Variants in EFL1 observed in about 807,000 individuals in gnomAD.
EFL1 encodes the protein elongation factor-like GTPase 1.
Under a neutral mutation model 126.7 loss-of-function variants are expected in EFL1, and 76 were observed. The observed-to-expected ratio is 0.60, with a 90% CI of 0.50 to 0.73. The LOEUF (loss-of-function observed/expected upper bound fraction) is 0.73, where lower values mean the gene tolerates loss of function less well. Ranked by LOEUF, EFL1 falls within the 30% of genes least tolerant of loss-of-function variation. The pLI is 0.00. For synonymous variants in EFL1, 410 were observed against 448.4 expected (o/e 0.91, Z 1.08); for missense variants, 1,128 against 1,343.2 (o/e 0.84, Z 2.50).
At chr15:82,191,865 A>G (rs1472030265) in intron 15 of EFL1, among the ~76,000 whole-genome samples, 1 of 152,222 alleles carries the variant, frequency 6.6e-6, no homozygotes, top group Admixed American at 6.5e-5. Context: ...ACTGAGTTAA[A>G]ATCTCTGGCT....
chr15:82,244,546 T>C (rs1441138242), intron 4 of EFL1, among the ~76,000 whole-genome samples: 1 of 152,138 alleles, frequency 6.6e-6, no homozygotes, highest in Non-Finnish European at 1.5e-5. Flanking sequence ...CATTCCAAAC[T>C]AAACGGCTTC....
At chr15:82,151,324 G>T (rs1024909753) in intron 18 of EFL1, 141 bp downstream of exon 18, 1 of 753,538 alleles carries the variant, frequency 1.3e-6, no homozygotes, top group Non-Finnish European at 2.2e-6. Context: ...GTAGGCAGAG[G>T]TTGCAGTGAG....
chr15:82,142,934 C>T (rs1398388059), intron 18 of EFL1, among the ~76,000 whole-genome samples: 1 of 152,226 alleles, frequency 6.6e-6, no homozygotes, highest in Non-Finnish European at 1.5e-5. Context: ...TCAAAAAAGT[C>T]TCTTTACCAT....
At chr15:82,161,614 ACTC>A (rs1442083725) in intron 16 of EFL1, among the ~76,000 whole-genome samples, 1 of 152,164 alleles carries the variant, frequency 6.6e-6, no homozygotes, top group Non-Finnish European at 1.5e-5. Flanking sequence ...AAATAGCAAT[ACTC>A]CTTTTAAAAT....
chr15:82,131,837 T>G (rs1293140912), intron 19 of EFL1, among the ~76,000 whole-genome samples: 4 of 151,992 alleles, frequency 2.6e-5, no homozygotes, highest in African/African-American at 9.7e-5. Flanking sequence ...GAATTTCACC[T>G]CAGTACATTA....
At chr15:82,257,529 T>A (rs1405977246) in intron 3 of EFL1, among the ~76,000 whole-genome samples, 1 of 152,200 alleles carries the variant, frequency 6.6e-6, no homozygotes, top group Admixed American at 6.5e-5. Flanking sequence ...AAAAGTTTCC[T>A]AGTCAAGAGA....
intron 15 of EFL1, among the ~76,000 whole-genome samples, chr15:82,168,602 C>T (rs1013227069): frequency 4.6e-5 from 7 of 152,162 alleles, no homozygotes; most frequent in African/African-American, 1.7e-4. Flanking sequence ...ACCTCCGGCT[C>T]CTGGGGTTCC....
chr15:82,150,077 T>C (rs147025795), intron 18 of EFL1, among the ~76,000 whole-genome samples: 76 of 152,334 alleles, frequency 5.0e-4, no homozygotes, highest in Non-Finnish European at 9.1e-4. Context: ...TGGCTGTTAA[T>C]AGGCATGCTA....
chr15:82,180,980 G>A (rs761851081), intron 15 of EFL1, among the ~76,000 whole-genome samples: 12 of 151,908 alleles, frequency 7.9e-5, no homozygotes, highest in South Asian at 2.1e-4. Flanking sequence ...CGTCTGCCTC[G>A]GCCTCCTGAA....
At chr15:82,139,692 T>C (rs2073764116) in intron 18 of EFL1, among the ~76,000 whole-genome samples, 1 of 152,260 alleles carries the variant, frequency 6.6e-6, no homozygotes, top group Non-Finnish European at 1.5e-5. Context: ...AGATACTCTC[T>C]TTAAAGCCTT....
intron 2 of EFL1, among the ~76,000 whole-genome samples, chr15:82,260,680 T>C (rs762935172): frequency 1.3e-5 from 2 of 152,218 alleles, no homozygotes; most frequent in Non-Finnish European, 2.9e-5. Flanking sequence ...ATGCTGTATA[T>C]TGAAGCTCAA....
chr15:82,210,318 C>G (rs1310986707), intron 15 of EFL1, among the ~76,000 whole-genome samples: 7 of 152,132 alleles, frequency 4.6e-5, no homozygotes, highest in Non-Finnish European at 8.8e-5. Flanking sequence ...CAGAATGTGG[C>G]AGAAGTGGGG....
chr15:82,171,862 A>T (rs912103962), intron 15 of EFL1, among the ~76,000 whole-genome samples: 39 of 152,126 alleles, frequency 2.6e-4, no homozygotes, highest in African/African-American at 9.4e-4. Flanking sequence ...ACTGAAAATA[A>T]AAGTTAAAAT....
In EFL1 at chr15:82,240,418, C is replaced by G; in HGVS notation, c.516G>C (p.Gln172His). 1 of 1,576,064 alleles carries G rather than the reference C, an allele frequency of 6.3e-7. No individual in the cohort carries two copies. The highest frequency in any genetic ancestry group is 1.2e-5 in the South Asian group (1 of 85,052). The change falls in exon 6 of 20, where the codon CAG becomes CAC. Residue 172 changes from glutamine (Q) to histidine (H), a missense_variant and splice_region_variant. By Grantham distance (24) the Gln-to-His change is conservative. Transcript: ENST00000268206. ...TTTTAAATACTAAAAATTAAAATAC[C>G]TGTTCTAAAATATTCTTGAGGTGAG... ...AYSHLKNILE[Q>H]INALTGTLFT...
chr15:82,206,506 T>C (rs746309114), intron 15 of EFL1, among the ~76,000 whole-genome samples: 2 of 152,170 alleles, frequency 1.3e-5, no homozygotes, highest in Non-Finnish European at 2.9e-5. Context: ...TTGTGTCAAT[T>C]TTCCCATCTG....
rs896646984 is a variant in EFL1, at chr15:82,262,683, C to G, written c.-89G>C. On this transcript the variant is annotated 5_prime_UTR_variant, in exon 1 of 20. Coordinates refer to ENST00000268206, the MANE Select transcript of EFL1 (RefSeq NM_024580.6). Reference sequence around the variant, plus strand: ...ACCCACACCGAGAGCTTCCGAAAGTCCGAGAGCTCTGCGGGTCCGACACGC... The same window carrying G: ...ACCCACACCGAGAGCTTCCGAAAGTGCGAGAGCTCTGCGGGTCCGACACGC... 12 of 581,914 alleles carry G rather than the reference C, an allele frequency of 2.1e-5. No homozygotes were observed. Among genetic ancestry groups the G allele is most frequent in the Non-Finnish European group, 2.9e-5 (10 of 341,004 alleles). The allele number at this position is 581,914 out of a possible 1,614,324, so 36.0% of individuals were successfully genotyped here. A position where few individuals can be genotyped will look rare whatever the true frequency, so the allele number is the denominator to read the frequency against.
At chr15:82,191,854 G>T (rs1414821533) in intron 15 of EFL1, among the ~76,000 whole-genome samples, 1 of 152,068 alleles carries the variant, frequency 6.6e-6, no homozygotes, top group Non-Finnish European at 1.5e-5. Flanking sequence ...TTATATTTGC[G>T]ACTGAGTTAA....
At chr15:82,199,331 AAGAG>A (rs140710084) in intron 15 of EFL1, among the ~76,000 whole-genome samples, 1 of 152,056 alleles carries the variant, frequency 6.6e-6, no homozygotes, top group Non-Finnish European at 1.5e-5. Flanking sequence ...GAGAGAGAGA[AAGAG>A]AGAGAGATCC....
At chr15:82,182,412 A>T (rs2141261654) in intron 15 of EFL1, among the ~76,000 whole-genome samples, 1 of 152,322 alleles carries the variant, frequency 6.6e-6, no homozygotes. Context: ...GTTTTCCTTC[A>T]TGAAGCACAG....
Sources: allele counts gnomAD v4.1 joint callset (sites outside exome capture counted in the v4.1 genomes callset), GRCh38; gene constraint gnomAD v4.1.1; transcripts MANE v1.5; gene names NCBI Gene and HGNC (gene_info 2026-07-23, HGNC 2026-07-21).